LTBP1: variants seen among roughly 807,000 people sequenced by gnomAD.
The protein encoded by LTBP1 is latent transforming growth factor beta binding protein 1, also known as latent-transforming growth factor beta-binding protein 1.
Under a neutral mutation model 207.6 loss-of-function variants are expected in LTBP1, and 129 were observed. The ratio of observed to expected loss-of-function variants is 0.62; its 90% confidence interval spans 0.54 to 0.72. LTBP1 has a LOEUF of 0.72. LTBP1 is among the 30% of genes least tolerant of loss of function. The pLI, the probability that LTBP1 is intolerant of heterozygous loss-of-function variation, is 0.00. For missense variants in LTBP1, 2,281 were observed against 2,217.2 expected (o/e 1.03, Z -0.58); for synonymous variants, 963 against 833.7 (o/e 1.16, Z -2.67).
intron 3 of LTBP1, among the ~76,000 whole-genome samples, chr2:33,044,180 A>G (rs968963351): frequency 2.0e-5 from 3 of 151,892 alleles, no homozygotes; most frequent in Admixed American, 1.3e-4. Context: ...AGAACATGGC[A>G]GGTATACACA....
intron 15 of LTBP1, among the ~76,000 whole-genome samples, chr2:33,267,038 C>G (rs115107518): frequency 1.4e-4 from 21 of 152,220 alleles, no homozygotes; most frequent in Non-Finnish European, 2.5e-4. Flanking sequence ...CTGGCATCTC[C>G]GAGCTTTCGG....
chr2:33,300,925 C>G (rs553259864), intron 21 of LTBP1, among the ~76,000 whole-genome samples: 1 of 152,036 alleles, frequency 6.6e-6, no homozygotes, highest in Admixed American at 6.5e-5. Flanking sequence ...GTCATTATAT[C>G]GGGCTGCTTT....
At chr2:33,398,282 G>C (rs2150821225) in intron 33 of LTBP1, 82 bp from the exon 34 acceptor site, 1 of 1,310,250 alleles carries the variant, frequency 7.6e-7, no homozygotes, top group African/African-American at 1.5e-5. Context: ...GTCGGGGGAA[G>C]GGCCTCAGGT....
At chr2:32,953,807 C>T (rs2148291051) in intron 2 of LTBP1, among the ~76,000 whole-genome samples, 1 of 152,282 alleles carries the variant, frequency 6.6e-6, no homozygotes, top group Admixed American at 6.5e-5. Flanking sequence ...TTGGATATTT[C>T]AGACGTACTC....
chr2:33,348,218 T>A (rs528248510), intron 26 of LTBP1, among the ~76,000 whole-genome samples: 5 of 152,196 alleles, frequency 3.3e-5, no homozygotes, highest in Non-Finnish European at 7.3e-5. Flanking sequence ...TTTTTTTTTC[T>A]TTCTCAGTCA....
intron 24 of LTBP1, among the ~76,000 whole-genome samples, chr2:33,323,655 T>C (rs1043114894): frequency 4.2e-5 from 6 of 143,726 alleles, no homozygotes; most frequent in African/African-American, 1.6e-4. Context: ...CAAAAAATCA[T>C]AAGTGGAACT....
intron 5 of LTBP1, among the ~76,000 whole-genome samples, chr2:33,153,360 C>A (rs1160177269): frequency 6.6e-6 from 1 of 152,168 alleles, no homozygotes; most frequent in African/African-American, 2.4e-5. Flanking sequence ...TGGCTAGAAA[C>A]AGAATGACTC....
intron 5 of LTBP1, among the ~76,000 whole-genome samples, chr2:33,163,051 G>A (rs1404600606): frequency 1.3e-5 from 2 of 152,138 alleles, no homozygotes; most frequent in African/African-American, 2.4e-5. Flanking sequence ...GCCTGATCTC[G>A]GCTCACTGCA....
intron 2 of LTBP1, among the ~76,000 whole-genome samples, chr2:32,970,668 T>C (rs946775112): frequency 4.6e-5 from 7 of 152,166 alleles, no homozygotes; most frequent in Non-Finnish European, 1.0e-4. Context: ...AGCCTTGTAG[T>C]GTAGTTCCAA....
chr2:33,331,763 A>G lies in LTBP1; in HGVS notation c.3731-11075A>G, dbSNP rs145931419. 3.5e-3 allele frequency among the ~76,000 whole-genome samples: 530 copies of G among 152,276 alleles called. 3 individuals carry two copies. The highest frequency in any genetic ancestry group is 0.012 in the African/African-American group (509 of 41,572). ...TACCGATTTTTTGTCTGCTTACTAT[A>G]TAAATGACTGAGGAGTATGTAAGAA... On this transcript the variant is annotated intron_variant, in intron 24 of 33. Coordinates refer to ENST00000404816, the MANE Select transcript of LTBP1 (RefSeq NM_206943.4).
rs759946308 is a variant in LTBP1 at position 33,001,042 on chromosome 2, C to T, written c.566-19867C>T. 3.7e-5 allele frequency among the ~76,000 whole-genome samples: 5 copies of T among 134,784 alleles called. 2 individuals are homozygous for T. The highest frequency in any genetic ancestry group is 8.2e-5 in the Non-Finnish European group (5 of 61,318). 88.4% of individuals were successfully genotyped at this position (134,784 alleles called of 152,430 possible). A position where few individuals can be genotyped will look rare whatever the true frequency, so the allele number is the denominator to read the frequency against. ...GCCACAGTTCAGGACAGCCTCTCGC[C>T]CTTGTGACCACCTGTCCTTCCTGAC... On this transcript the variant is annotated intron_variant, in intron 2 of 33. Transcript: ENST00000404816.
chr2:33,142,392 C>G (rs1225295774), intron 5 of LTBP1, among the ~76,000 whole-genome samples: 2 of 152,172 alleles, frequency 1.3e-5, no homozygotes, highest in Non-Finnish European at 2.9e-5. Context: ...GGGCAGATCA[C>G]ATGAGTTTGG....
In LTBP1 at chr2:33,257,274, C is replaced by G; in HGVS notation, c.2168-10C>G. 1 of 1,606,272 alleles carries G rather than the reference C, an allele frequency of 6.2e-7. No homozygotes were observed. The highest frequency in any genetic ancestry group is 8.5e-7 in the Non-Finnish European group (1 of 1,173,118). ...TTTTTAAAAGGAATATTTTCCCATC[C>G]CAAATCTAGCTGCTTTTAAGGAAAT... On this transcript the variant is annotated splice_polypyrimidine_tract_variant and intron_variant, in intron 11 of 33. Coordinates refer to ENST00000404816, the MANE Select transcript of LTBP1 (RefSeq NM_206943.4).
At position 33,110,641 on chromosome 2, in the gene LTBP1, T is replaced by C. The variant is rs140100437; in HGVS notation, c.923T>C (p.Val308Ala). ...CACCATGGCCAGACCCAGGAATACG[T>C]GCTCAAGCCCAAGTACTTTCCAGCC... ...VIHHGQTQEY[V>A]LKPKYFPAQK... The change falls in exon 4 of 34, where the codon GTG becomes GCG. Residue 308 changes from valine (V) to alanine (A), a missense_variant. Coordinates refer to ENST00000404816, the MANE Select transcript of LTBP1 (RefSeq NM_206943.4). The C allele has an allele frequency of 7.9e-4, 1,271 of 1,614,206 alleles. 15 individuals are homozygous for C. In the East Asian group the frequency reaches 0.026, roughly 34 times the overall value.
intron 3 of LTBP1, among the ~76,000 whole-genome samples, chr2:33,082,348 T>C (rs1314462970): frequency 2.6e-5 from 4 of 151,992 alleles, no homozygotes; most frequent in Non-Finnish European, 4.4e-5. Flanking sequence ...AGTATTGTTA[T>C]AGCAGCACAA....
At chr2:33,066,942 G>A (rs1040918071) in intron 3 of LTBP1, among the ~76,000 whole-genome samples, 3 of 152,280 alleles carry the variant, frequency 2.0e-5, no homozygotes, top group Middle Eastern at 6.8e-3. Flanking sequence ...TGAGATGAGA[G>A]GATTGCCTGA....
At chr2:33,143,910 A>G (rs1289573047) in intron 5 of LTBP1, among the ~76,000 whole-genome samples, 2 of 151,418 alleles carry the variant, frequency 1.3e-5, no homozygotes, top group Non-Finnish European at 1.5e-5. Flanking sequence ...CACCTCTCTC[A>G]TTCTTGACTT....
intron 15 of LTBP1, among the ~76,000 whole-genome samples, chr2:33,271,005 C>T (rs887062004): frequency 6.6e-6 from 1 of 152,222 alleles, no homozygotes; most frequent in Non-Finnish European, 1.5e-5. Flanking sequence ...CACTATTTCT[C>T]CTACCTCAGA....
chr2:33,393,620 CTCA>C (rs1245196983), intron 32 of LTBP1, among the ~76,000 whole-genome samples: 1 of 152,120 alleles, frequency 6.6e-6, no homozygotes, highest in Non-Finnish European at 1.5e-5. Flanking sequence ...AGGACATGAA[CTCA>C]TCATTTTTTA....
Sources: allele counts gnomAD v4.1 joint callset (sites outside exome capture counted in the v4.1 genomes callset), GRCh38; gene constraint gnomAD v4.1.1; transcripts MANE v1.5; gene names NCBI Gene and HGNC (gene_info 2026-07-23, HGNC 2026-07-21).